Variants in ARHGEF10 observed in about 807,000 individuals in gnomAD.
ARHGEF10 encodes the protein Rho guanine nucleotide exchange factor (GEF) 10.
ARHGEF10 carries 140 observed loss-of-function variants against 147.4 expected under a neutral mutation model. The observed-to-expected ratio is 0.95, with a 90% CI of 0.83 to 1.09. The LOEUF is 1.09. Among genes scored for constraint, ARHGEF10 ranks in the 50% least tolerant of loss-of-function variants. The pLI is 0.00. For synonymous variants in ARHGEF10, 902 were observed against 695.8 expected (o/e 1.30, Z -4.67); for missense variants, 2,222 against 1,752.7 (o/e 1.27, Z -4.78).
intron 27 of ARHGEF10, among the ~76,000 whole-genome samples, chr8:1,950,884 CT>C (rs1814989325): frequency 1.3e-5 from 2 of 152,022 alleles, no homozygotes; most frequent in Non-Finnish European, 2.9e-5. Context: ...CCGGCCTACC[CT>C]TTTTATTAAA....
At chr8:1,861,121 TC>T (rs1192051561) in intron 4 of ARHGEF10, among the ~76,000 whole-genome samples, 1 of 152,214 alleles carries the variant, frequency 6.6e-6, no homozygotes, top group East Asian at 1.9e-4. Context: ...GGTCTCTGTG[TC>T]CTCAGCGCTG....
rs770438258 is a variant in ARHGEF10 at position 1,885,649 on chromosome 8, A to G, written c.1124A>G (p.Asp375Gly). The G allele has an allele frequency of 6.2e-7, 1 of 1,614,014 alleles. No individual in the cohort carries two copies. The highest frequency in any genetic ancestry group is 2.2e-5 in the East Asian group (1 of 44,880). ...GAACAGAATTTGTTCATTGATGTTG[A>G]CTGCAAGCACCCGGAAGCCATCTTG... ...EEEQNLFIDV[D>G]CKHPEAILTP... is the part of the protein sequence containing the mutation. The change falls in exon 11 of 29, where the codon GAC (aspartate) becomes GGC (glycine). Residue 375 changes from aspartate to glycine, a missense_variant. Transcript: ENST00000349830.
intron 25 of ARHGEF10, among the ~76,000 whole-genome samples, chr8:1,929,696 T>C (rs1251273413): frequency 6.6e-6 from 1 of 152,194 alleles, no homozygotes; most frequent in Non-Finnish European, 1.5e-5. Flanking sequence ...TCGGCCTGCC[T>C]GTTTCTCCCC....
At chr8:1,901,288 A>C (rs986611602) in intron 15 of ARHGEF10, among the ~76,000 whole-genome samples, 1 of 151,558 alleles carries the variant, frequency 6.6e-6, no homozygotes, top group Non-Finnish European at 1.5e-5. Context: ...AGGCCTGGAC[A>C]CCCTCTGTCC....
intron 18 of ARHGEF10, among the ~76,000 whole-genome samples, chr8:1,913,031 G>T (rs184436900): frequency 1.5e-3 from 226 of 152,174 alleles, no homozygotes; most frequent in Non-Finnish European, 2.5e-3. Context: ...GCCATTCTGT[G>T]GGGGGGTTTC....
At chr8:1,930,204 T>G (rs1189329610) in intron 25 of ARHGEF10, among the ~76,000 whole-genome samples, 1 of 151,082 alleles carries the variant, frequency 6.6e-6, no homozygotes. Context: ...CATCCTGGAG[T>G]GGAACACGCA....
rs1170682460 is a variant in ARHGEF10, at chr8:1,832,863, C to T, written c.-48+8750C>T. 2.1e-4 allele frequency among the ~76,000 whole-genome samples: 20 copies of T among 97,226 alleles called. 1 individual carries two copies. The highest frequency in any genetic ancestry group is 3.8e-4 in the Non-Finnish European group (19 of 49,372). 63.8% of individuals were successfully genotyped at this position (97,226 alleles called of 152,430 possible). ...AGACAGAGGCAGAGAGAGACAGAGG[C>T]AGAGGCAGAGACAGAGAGACAGAGG... On this transcript the variant is annotated intron_variant, in intron 1 of 28. Transcript: ENST00000349830.
chr8:1,946,068 A>C (rs1232088429), intron 27 of ARHGEF10: 1 of 353,752 alleles, frequency 2.8e-6, no homozygotes, highest in Non-Finnish European at 5.4e-6. Flanking sequence ...AGAGGCCAAC[A>C]GAGGCCTATG....
At chr8:1,887,646 A>AG (rs200124132) in intron 11 of ARHGEF10, among the ~76,000 whole-genome samples, 2 of 126,590 alleles carry the variant, frequency 1.6e-5, no homozygotes, top group African/African-American at 6.5e-5. Flanking sequence ...GAGTGAGCTG[A>AG]GAGTCTGTGA....
intron 11 of ARHGEF10, 77 bp downstream of exon 11, chr8:1,885,784 T>C (rs926453585): frequency 3.4e-6 from 4 of 1,168,682 alleles, no homozygotes; most frequent in Non-Finnish European, 5.1e-6. Flanking sequence ...TGTTTGATGC[T>C]GGTTGGTAAA....
chr8:1,844,361 G>A (rs1804345158), intron 2 of ARHGEF10, among the ~76,000 whole-genome samples: 1 of 152,110 alleles, frequency 6.6e-6, no homozygotes, highest in Non-Finnish European at 1.5e-5. Flanking sequence ...AGATGACAAA[G>A]ACAGGAGAAT....
At chr8:1,849,198 C>T (rs955865758) in intron 2 of ARHGEF10, among the ~76,000 whole-genome samples, 2 of 152,248 alleles carry the variant, frequency 1.3e-5, no homozygotes, top group Non-Finnish European at 1.5e-5. Context: ...AGCCAAAATC[C>T]AGAACACAGA....
chr8:1,835,208 A>G lies in ARHGEF10; in HGVS notation c.-47-8145A>G, dbSNP rs185593711. ...AGGAGTGGACGATAGGAAACCGACC[A>G]GGGGGCCCAGGATGCTCGAGGCCCG... On this transcript the variant is annotated intron_variant, in intron 1 of 28. Transcript: ENST00000349830. Among the ~76,000 whole-genome samples, 584 of 152,296 alleles carry G rather than the reference A, an allele frequency of 3.8e-3. 5 individuals are homozygous for G. Among genetic ancestry groups the G allele is most frequent in the African/African-American group, 0.013 (554 of 41,562 alleles).
At chr8:1,872,506 C>T (rs1238618141) in intron 7 of ARHGEF10, among the ~76,000 whole-genome samples, 1 of 152,192 alleles carries the variant, frequency 6.6e-6, no homozygotes, top group Non-Finnish European at 1.5e-5. Flanking sequence ...TCCAGCATGA[C>T]CCTAACAAGT....
intron 26 of ARHGEF10, among the ~76,000 whole-genome samples, chr8:1,944,669 G>A (rs542699715): frequency 3.2e-4 from 49 of 152,340 alleles, no homozygotes; most frequent in Middle Eastern, 3.4e-3. Flanking sequence ...AACTGTGCAG[G>A]ATCGTGAGTT....
At position 1,938,069 on chromosome 8, in the gene ARHGEF10, G is replaced by A. The variant is rs186253040; in HGVS notation, c.3222+4127G>A. 1.2e-4 allele frequency among the ~76,000 whole-genome samples: 19 copies of A among 152,312 alleles called. No homozygotes were observed. In the East Asian group the frequency reaches 2.3e-3, roughly 19 times the overall value. On this transcript the variant is annotated intron_variant, in intron 26 of 28. Coordinates refer to ENST00000349830, the MANE Select transcript of ARHGEF10 (RefSeq NM_014629.4). ...GGGCACCCACCTGTCTGTCAGGGCCGTCAGGAGCAGATGGGAAGACATGCC... is the reference window on the plus strand; with the variant it reads ...GGGCACCCACCTGTCTGTCAGGGCCATCAGGAGCAGATGGGAAGACATGCC...
chr8:1,903,505 A>G (rs1191486178), intron 16 of ARHGEF10, 54 bp downstream of exon 16: 2 of 1,601,138 alleles, frequency 1.2e-6, no homozygotes, highest in Non-Finnish European at 1.7e-6. Context: ...CTTTGTGCTA[A>G]TAAGCTGTCG....
chr8:1,859,518 C>G (rs1382987036), intron 3 of ARHGEF10, among the ~76,000 whole-genome samples: 1 of 152,178 alleles, frequency 6.6e-6, no homozygotes, highest in East Asian at 1.9e-4. Context: ...ATAGCATCAG[C>G]CTCTCGGTTG....
intron 27 of ARHGEF10, among the ~76,000 whole-genome samples, chr8:1,950,076 G>A (rs564906233): frequency 1.9e-4 from 29 of 152,294 alleles, no homozygotes; most frequent in African/African-American, 6.5e-4. Flanking sequence ...TCCAGCAGCC[G>A]CTCAAGTGCA....
Sources: allele counts gnomAD v4.1 joint callset (sites outside exome capture counted in the v4.1 genomes callset), GRCh38; gene constraint gnomAD v4.1.1; transcripts MANE v1.5; gene names NCBI Gene and HGNC (gene_info 2026-07-23, HGNC 2026-07-21).